Variants in KIAA0825 observed in about 807,000 individuals in gnomAD.
KIAA0825 encodes uncharacterized protein KIAA0825.
Under a neutral mutation model 147.6 loss-of-function variants are expected in KIAA0825, and 119 were observed. The ratio of observed to expected loss-of-function variants is 0.81; its 90% CI spans 0.69 to 0.94. KIAA0825 has a LOEUF of 0.94. Ranked by LOEUF, KIAA0825 falls within the 40% of genes least tolerant of loss-of-function variation. The pLI, the probability that KIAA0825 is intolerant of heterozygous loss-of-function variation, is 0.00. For missense variants in KIAA0825, 1,381 were observed against 1,472.7 expected, an observed-to-expected ratio of 0.94 and a Z score of 1.02; for synonymous variants, 470 against 518.1, an observed-to-expected ratio of 0.91 and a Z score of 1.26.
chr5:94,250,057 A>G (rs1213518942), intron 20 of KIAA0825, among the ~76,000 whole-genome samples: 2 of 152,092 alleles, frequency 1.3e-5, no homozygotes, highest in African/African-American at 2.4e-5. Context: ...ATGTTTTCCA[A>G]TAGACTCAGC....
intron 20 of KIAA0825, among the ~76,000 whole-genome samples, chr5:94,235,548 C>T (rs116404515): frequency 1.3e-3 from 194 of 152,234 alleles, no homozygotes; most frequent in African/African-American, 4.5e-3. Flanking sequence ...GAAGCTGCAG[C>T]GAGTTATTCA....
chr5:94,332,084 C>T (rs886245166), intron 20 of KIAA0825, among the ~76,000 whole-genome samples: 1 of 150,036 alleles, frequency 6.7e-6, no homozygotes, highest in Non-Finnish European at 1.5e-5. Flanking sequence ...ATCACTTGAA[C>T]CTGGAGGCAG....
At chr5:94,584,822 T>C (rs777484653) in intron 1 of KIAA0825, among the ~76,000 whole-genome samples, 3 of 152,160 alleles carry the variant, frequency 2.0e-5, no homozygotes, top group Admixed American at 6.5e-5. Context: ...GGGAAGCCCA[T>C]GAGACTAACA....
chr5:94,347,099 T>C (rs1481134755), intron 20 of KIAA0825, among the ~76,000 whole-genome samples: 2 of 152,124 alleles, frequency 1.3e-5, no homozygotes, highest in African/African-American at 4.8e-5. Context: ...TTCCTAGGTA[T>C]ACAACTCCAG....
intron 20 of KIAA0825, among the ~76,000 whole-genome samples, chr5:94,292,108 T>C (rs1256008448): frequency 6.6e-6 from 1 of 152,174 alleles, no homozygotes. Flanking sequence ...TTTCTTTCTA[T>C]TGCCTGATTG....
chr5:94,238,740 C>CTG (rs1775194576), intron 20 of KIAA0825, among the ~76,000 whole-genome samples: 1 of 152,010 alleles, frequency 6.6e-6, no homozygotes. Flanking sequence ...CCCTCTCTCT[C>CTG]TCTCTCTGCC....
chr5:94,275,217 C>T (rs1469798918), intron 20 of KIAA0825, among the ~76,000 whole-genome samples: 1 of 152,102 alleles, frequency 6.6e-6, no homozygotes. Flanking sequence ...TCTAGATATA[C>T]AGATATAACA....
intron 20 of KIAA0825, among the ~76,000 whole-genome samples, chr5:94,342,195 CA>C (rs1373829625): frequency 1.1e-3 from 139 of 125,906 alleles, no homozygotes; most frequent in Middle Eastern, 4.2e-3. Flanking sequence ...GACTCCGTCT[CA>C]AAAAAAAAAA....
At chr5:94,266,484 T>C (rs1342179975) in intron 20 of KIAA0825, among the ~76,000 whole-genome samples, 2 of 152,208 alleles carry the variant, frequency 1.3e-5, no homozygotes, top group Non-Finnish European at 2.9e-5. Context: ...CTACCATTTG[T>C]TGAATTTTGG....
chr5:94,376,206 T>G (rs1747545550), intron 20 of KIAA0825, among the ~76,000 whole-genome samples: 1 of 152,208 alleles, frequency 6.6e-6, no homozygotes, highest in Admixed American at 6.5e-5. Context: ...TCATCAGTAT[T>G]ATTACAGTAA....
intron 20 of KIAA0825, among the ~76,000 whole-genome samples, chr5:94,368,628 TA>T (rs1473585800): frequency 6.6e-6 from 1 of 152,056 alleles, no homozygotes; most frequent in Non-Finnish European, 1.5e-5. Context: ...AGTGGAGGCA[TA>T]TGGGAACAAA....
chr5:94,583,177 G>A (rs888080864), intron 1 of KIAA0825, among the ~76,000 whole-genome samples: 6 of 152,238 alleles, frequency 3.9e-5, no homozygotes, highest in Non-Finnish European at 7.3e-5. Flanking sequence ...TGGTTGGACA[G>A]TGGGTGCAGC....
chr5:94,285,013 T>G (rs1777610364), intron 20 of KIAA0825, among the ~76,000 whole-genome samples: 1 of 152,128 alleles, frequency 6.6e-6, no homozygotes, highest in African/African-American at 2.4e-5. Context: ...ATTCAGGGGC[T>G]GCTCGATACA....
Position 94,457,400 on chromosome 5 carries a change from A to G in KIAA0825, c.2247-4331T>C, listed in dbSNP as rs551674814. ...AATACTTTCTTAAAAATAAATGTCT[A>G]TAAGTTTGAAGCAGGTACATTTCTT... On this transcript the variant is annotated intron_variant, in intron 12 of 20. Coordinates refer to ENST00000682413, the MANE Select transcript of KIAA0825 (RefSeq NM_001145678.3). Among the ~76,000 whole-genome samples, 5 of 152,370 alleles carry G rather than the reference A, an allele frequency of 3.3e-5. No homozygotes were observed. The East Asian group carries it at 7.7e-4, about 23-fold the overall frequency.
chr5:94,324,094 G>A (rs953504030), intron 20 of KIAA0825, among the ~76,000 whole-genome samples: 4 of 151,892 alleles, frequency 2.6e-5, no homozygotes, highest in Admixed American at 2.0e-4. Flanking sequence ...TTCGTCTTTC[G>A]TGGCATTATA....
rs369479038 is a variant in KIAA0825 at position 94,403,271 on chromosome 5, G to C, written c.2887+298C>G. On this transcript the variant is annotated intron_variant, in intron 16 of 20. Transcript: ENST00000682413. ...TTTTAAGTTACTCAACAAATTTTGAGAAAATTAGTCAAAATCATGTCACCA... is the reference window on the plus strand; with the variant it reads ...TTTTAAGTTACTCAACAAATTTTGACAAAATTAGTCAAAATCATGTCACCA... Among the ~76,000 whole-genome samples, 7 of 152,112 alleles carry C rather than the reference G, an allele frequency of 4.6e-5. No homozygotes were observed. In the East Asian group the frequency reaches 1.3e-3, roughly 29 times the overall value.
intron 20 of KIAA0825, among the ~76,000 whole-genome samples, chr5:94,218,453 T>C (rs1159156850): frequency 6.6e-6 from 1 of 152,212 alleles, no homozygotes; most frequent in East Asian, 1.9e-4. Context: ...ATAACCATGA[T>C]AGTTCAAAGG....
At chr5:94,364,332 A>G (rs1205212943) in intron 20 of KIAA0825, among the ~76,000 whole-genome samples, 1 of 151,514 alleles carries the variant, frequency 6.6e-6, no homozygotes, top group Admixed American at 6.6e-5. Flanking sequence ...GCAAGGCTGT[A>G]GAAGTCATTA....
At chr5:94,446,893 G>T (rs1757797236) in intron 13 of KIAA0825, among the ~76,000 whole-genome samples, 1 of 152,138 alleles carries the variant, frequency 6.6e-6, no homozygotes. Context: ...AGAGAGAGAT[G>T]ATGGTAGTTG....
Sources: gnomAD v4.1 joint callset for allele counts (sites outside exome capture counted in the v4.1 genomes callset) on GRCh38, gnomAD v4.1.1 for gene constraint, MANE v1.5 for transcripts, NCBI Gene and HGNC (gene_info 2026-07-23, HGNC 2026-07-21) for gene names.